ADGRL3: variants seen among roughly 807,000 people sequenced by gnomAD.
The protein encoded by ADGRL3 is adhesion G protein-coupled receptor L3, also known as calcium-independent alpha-latrotoxin receptor 3.
Under a neutral mutation model 153.5 loss-of-function variants are expected in ADGRL3, and 62 were observed. The ratio of observed to expected loss-of-function variants is 0.40; its 90% confidence interval spans 0.33 to 0.50. The LOEUF is 0.50. Among genes scored for constraint, ADGRL3 ranks in the 20% least tolerant of loss-of-function variants. The pLI, the probability that ADGRL3 is intolerant of heterozygous loss-of-function variation, is 0.47. For synonymous variants in ADGRL3, 710 were observed against 672.5 expected, an observed-to-expected ratio of 1.06 and a Z score of -0.86; for missense variants, 1,641 against 1,859.4, an observed-to-expected ratio of 0.88 and a Z score of 2.16.
chr4:61,577,166 G>GTA (rs981230009), intron 4 of ADGRL3, among the ~76,000 whole-genome samples: 1 of 149,404 alleles, frequency 6.7e-6, no homozygotes, highest in African/African-American at 2.5e-5. Context: ...GTGTGTGTGT[G>GTA]TATGTGTGTG....
rs34294452 is a variant in ADGRL3 at position 61,990,952 on chromosome 4, C to CTGTGTGTGTGTGTGTG, written c.3237-5315_3237-5300dup. ...TGCAAGACTCTTCCGATGTTTGAAA[C>CTGTGTGTGTGTGTGTG]TGTGTGTGTGTGTGTGTGTGTGTGT... is the stretch of plus-strand genomic sequence containing the variant. On this transcript the variant is annotated intron_variant, in intron 19 of 26. Transcript: ENST00000683033. 9.1e-5 allele frequency among the ~76,000 whole-genome samples: 13 copies of CTGTGTGTGTGTGTGTG among 142,272 alleles called. 1 individual carries two copies. Among genetic ancestry groups the CTGTGTGTGTGTGTGTG allele is most frequent in the Middle Eastern group, 6.5e-3 (2 of 306 alleles). 93.3% of individuals were successfully genotyped at this position (142,272 alleles called of 152,430 possible). A position where few individuals can be genotyped will look rare whatever the true frequency, so the allele number is the denominator to read the frequency against.
At chr4:61,987,939 T>A (rs73823288) in intron 19 of ADGRL3, among the ~76,000 whole-genome samples, 2,728 of 152,208 alleles carry the variant, frequency 0.018, 92 homozygotes, top group African/African-American at 0.062. Flanking sequence ...ATAATAATAA[T>A]ACCTTACATT....
chr4:62,010,620 T>G (rs1273390894), intron 21 of ADGRL3, among the ~76,000 whole-genome samples: 1 of 152,136 alleles, frequency 6.6e-6, no homozygotes, highest in Admixed American at 6.6e-5. Flanking sequence ...AAACAGTTTT[T>G]AAAAAATCAA....
intron 25 of ADGRL3, among the ~76,000 whole-genome samples, chr4:62,058,305 A>G (rs1738143966): frequency 6.6e-6 from 1 of 152,132 alleles, no homozygotes; most frequent in Non-Finnish European, 1.5e-5. Context: ...TAGATAGTAG[A>G]GTACCTGGTA....
chr4:61,911,964 G>A lies in ADGRL3; in HGVS notation c.2074-755G>A, dbSNP rs1452380680. ...TTTTATCACCAGGAAATAATGTTTG[G>A]TGTGTAACAGGAGTTGCTGCTATCC... On this transcript the variant is annotated intron_variant, in intron 12 of 26. Transcript: ENST00000683033. 3.3e-5 allele frequency among the ~76,000 whole-genome samples: 5 copies of A among 152,258 alleles called. No individual in the cohort carries two copies. The South Asian group carries it at 1.0e-3, about 32-fold the overall frequency.
rs1349272465 is a variant in ADGRL3, at chr4:61,590,737, A to T, written c.473+3297A>T. ...GGAAGAAGGCTCTTTCAGCTGAATG[A>T]TATAAGAGAGCATTTCACTGGAAAG... On this transcript the variant is annotated intron_variant, in intron 5 of 26. Coordinates refer to ENST00000683033, the MANE Select transcript of ADGRL3 (RefSeq NM_001387552.1). Among the ~76,000 whole-genome samples, 4 of 152,256 alleles carry T rather than the reference A, an allele frequency of 2.6e-5. No individual in the cohort carries two copies. The South Asian group carries it at 6.2e-4, about 24-fold the overall frequency.
chr4:61,681,114 T>G (rs376518601), intron 6 of ADGRL3, among the ~76,000 whole-genome samples: 21 of 152,226 alleles, frequency 1.4e-4, no homozygotes, highest in South Asian at 1.2e-3. Context: ...TTCTTCTTCT[T>G]CTCACCCTAC....
At chr4:61,239,433 C>T (rs1441036021) in intron 1 of ADGRL3, among the ~76,000 whole-genome samples, 1 of 152,074 alleles carries the variant, frequency 6.6e-6, no homozygotes, top group East Asian at 1.9e-4. Flanking sequence ...TAGAATTCCC[C>T]CTCCCCACTC....
At chr4:61,212,024 A>G (rs1285620598) in intron 1 of ADGRL3, 4 of 152,218 alleles carry the variant, frequency 2.6e-5, no homozygotes, top group Admixed American at 6.5e-5. Context: ...ATTCAGATGA[A>G]CAAAATCCCC....
At chr4:61,548,762 C>G (rs1435741855) in intron 4 of ADGRL3, among the ~76,000 whole-genome samples, 3 of 151,832 alleles carry the variant, frequency 2.0e-5, no homozygotes, top group African/African-American at 7.3e-5. Flanking sequence ...TATTTGGGCT[C>G]TTTTTTGGTT....
chr4:61,237,578 G>A lies in ADGRL3; in HGVS notation c.-240+35813G>A, dbSNP rs556405215. ...TATAACCCCAGTCTGCACTTGAGGT[G>A]TTCTGAATACTGATAAGGACCATAA... On this transcript the variant is annotated intron_variant, in intron 1 of 26. Coordinates refer to ENST00000683033, the MANE Select transcript of ADGRL3 (RefSeq NM_001387552.1). Among the ~76,000 whole-genome samples the A allele has an allele frequency of 3.9e-5, 6 of 152,226 alleles. No homozygotes were observed. The South Asian group carries it at 1.2e-3, about 32-fold the overall frequency.
intron 6 of ADGRL3, among the ~76,000 whole-genome samples, chr4:61,689,373 A>G (rs2095500748): frequency 6.6e-6 from 1 of 152,146 alleles, no homozygotes; most frequent in South Asian, 2.1e-4. Context: ...GTCTTGACAT[A>G]CTGTCTCTAG....
rs1251674113 is a variant in ADGRL3, at chr4:61,338,498, A to G, written c.-239-44626A>G. Among the ~76,000 whole-genome samples the G allele has an allele frequency of 2.0e-5, 3 of 152,008 alleles. No homozygotes were observed. In the East Asian group the frequency reaches 5.8e-4, roughly 29 times the overall value. On this transcript the variant is annotated intron_variant, in intron 1 of 26. Transcript: ENST00000683033. ...GATCTGCATGTTAAATAAACATTTA[A>G]TTTCTGTGCAAAAGGCTCAGAGACC...
chr4:61,772,476 ATTTAT>A (rs1040535671), intron 8 of ADGRL3, among the ~76,000 whole-genome samples: 28 of 152,152 alleles, frequency 1.8e-4, no homozygotes, highest in African/African-American at 6.8e-4. Context: ...AAATATACAC[ATTTAT>A]TTAATTTAAG....
intron 1 of ADGRL3, among the ~76,000 whole-genome samples, chr4:61,306,199 G>A (rs941056857): frequency 2.0e-4 from 31 of 152,098 alleles, no homozygotes; most frequent in Admixed American, 1.7e-3. Context: ...CTGGGTTCAC[G>A]CCATTCTCCT....
At chr4:61,796,623 A>G (rs1381848081) in intron 8 of ADGRL3, among the ~76,000 whole-genome samples, 1 of 152,148 alleles carries the variant, frequency 6.6e-6, no homozygotes, top group Non-Finnish European at 1.5e-5. Flanking sequence ...ATAACACATG[A>G]TTAAATCTAT....
intron 2 of ADGRL3, among the ~76,000 whole-genome samples, chr4:61,390,749 T>A (rs1239629652): frequency 6.6e-6 from 1 of 152,196 alleles, no homozygotes; most frequent in African/African-American, 2.4e-5. Context: ...TAGAGAATTG[T>A]GTAATTTTTA....
chr4:61,444,447 T>C (rs2097559748), intron 2 of ADGRL3, among the ~76,000 whole-genome samples: 1 of 152,198 alleles, frequency 6.6e-6, no homozygotes, highest in Admixed American at 6.5e-5. Flanking sequence ...TTTTTGTTCT[T>C]GAACATCTTT....
chr4:61,830,137 GCTAGGACTACAAGCACATGTGC>G (rs748731413), intron 9 of ADGRL3, among the ~76,000 whole-genome samples: 10 of 151,950 alleles, frequency 6.6e-5, no homozygotes, highest in Non-Finnish European at 2.9e-5. Context: ...TGCCTCCCAA[GCTAGGACTACAAGCACATGTGC>G]CATCATGCCC....
Sources: allele counts gnomAD v4.1 joint callset (sites outside exome capture counted in the v4.1 genomes callset), GRCh38; gene constraint gnomAD v4.1.1; transcripts MANE v1.5; gene names NCBI Gene and HGNC (gene_info 2026-07-23, HGNC 2026-07-21).